The following PRKN variants were observed in gnomAD, a reference collection of about 807,000 sequenced individuals.
PRKN encodes E3 ubiquitin-protein ligase parkin.
Under a neutral mutation model 59.5 loss-of-function variants are expected in PRKN, and 56 were observed. The ratio of observed to expected loss-of-function variants is 0.94; its 90% CI spans 0.76 to 1.18. PRKN has a LOEUF of 1.18. Ranked by LOEUF, PRKN falls within the 50% of genes most tolerant of loss-of-function variation. The probability of loss-of-function intolerance (pLI) is 0.00; values close to 1 mark genes in which losing one functional copy is unlikely to be tolerated. For synonymous variants in PRKN, 250 were observed against 222.1 expected (o/e 1.13, Z -1.12); for missense variants, 657 against 596.4 (o/e 1.10, Z -1.06).
At chr6:162,327,388 G>T (rs1783342681) in intron 2 of PRKN, among the ~76,000 whole-genome samples, 1 of 152,104 alleles carries the variant, frequency 6.6e-6, no homozygotes, top group Non-Finnish European at 1.5e-5. Context: ...TGAGCAATCT[G>T]ATTTTCTTTG....
At chr6:162,061,432 G>A (rs1418562345) in intron 4 of PRKN, among the ~76,000 whole-genome samples, 1 of 152,180 alleles carries the variant, frequency 6.6e-6, no homozygotes, top group African/African-American at 2.4e-5. Flanking sequence ...CCCTTTCCAA[G>A]GGACCTGGAC....
intron 1 of PRKN, among the ~76,000 whole-genome samples, chr6:162,443,762 C>T (rs900135139): frequency 6.6e-6 from 1 of 152,150 alleles, no homozygotes; most frequent in Non-Finnish European, 1.5e-5. Flanking sequence ...GAGCAGGACA[C>T]TTGCTTGATT....
chr6:162,308,109 T>G (rs536473977), intron 2 of PRKN, among the ~76,000 whole-genome samples: 1 of 152,294 alleles, frequency 6.6e-6, no homozygotes, highest in Admixed American at 6.5e-5. Flanking sequence ...TCACCGTCAC[T>G]GCTACCAGGA....
chr6:162,354,918 G>GT (rs928216976), intron 2 of PRKN, among the ~76,000 whole-genome samples: 22 of 150,686 alleles, frequency 1.5e-4, no homozygotes, highest in African/African-American at 4.6e-4. Flanking sequence ...CATATGAAAG[G>GT]TTTTTTTTTA....
intron 7 of PRKN, among the ~76,000 whole-genome samples, chr6:161,604,512 G>A (rs1782209690): frequency 6.6e-6 from 1 of 152,170 alleles, no homozygotes; most frequent in Admixed American, 6.5e-5. Flanking sequence ...GGCCAGAATC[G>A]AAGTCAAATG....
chr6:161,407,202 C>T lies in PRKN; in HGVS notation c.1084-20325G>A, dbSNP rs182637057. Among the ~76,000 whole-genome samples, 3 of 152,128 alleles carry T rather than the reference C, an allele frequency of 2.0e-5. No individual in the cohort carries two copies. The highest frequency in any genetic ancestry group is 2.9e-5 in the Non-Finnish European group (2 of 68,000). On this transcript the variant is annotated intron_variant, in intron 9 of 11. Transcript: ENST00000366898. The surrounding 1 kb of genome is among the most constrained non-coding windows in gnomAD (Gnocchi z 4.9). ...TCTACATGGAAAACAAAAAGTCATA[C>T]CAAAATTATAACTGCTAAGAGAGAT...
chr6:161,387,338 C>T (rs1193866574), intron 9 of PRKN, among the ~76,000 whole-genome samples: 2 of 152,206 alleles, frequency 1.3e-5, no homozygotes, highest in African/African-American at 4.8e-5. Flanking sequence ...TCCCCCTTCG[C>T]TCAGCTCTCA....
chr6:162,231,448 T>C (rs1379666529), intron 3 of PRKN, among the ~76,000 whole-genome samples: 1 of 152,190 alleles, frequency 6.6e-6, no homozygotes, highest in Non-Finnish European at 1.5e-5. Flanking sequence ...TTAACAGTGG[T>C]GTTCCCTAAC....
At chr6:161,872,541 G>C (rs1431351613) in intron 6 of PRKN, among the ~76,000 whole-genome samples, 2 of 152,100 alleles carry the variant, frequency 1.3e-5, no homozygotes, top group African/African-American at 2.4e-5. Context: ...TGTGGGCCCT[G>C]ATCAACCCTG....
At position 161,547,618 on chromosome 6, in the gene PRKN, A is replaced by T. The variant is rs1313020091; in HGVS notation, c.1083+1236T>A. ...ATAATTTAGCCAGTAGTTAAAAACA[A>T]TTCATTAAAAGCTCATTTTAAAAGA... On this transcript the variant is annotated intron_variant, in intron 9 of 11. Transcript: ENST00000366898. The surrounding 1 kb of genome is among the most constrained non-coding windows in gnomAD (Gnocchi z 4.0). Among the ~76,000 whole-genome samples the T allele has an allele frequency of 6.6e-6, 1 of 152,234 alleles. No homozygotes were observed. The highest frequency in any genetic ancestry group is 1.5e-5 in the Non-Finnish European group (1 of 68,034).
chr6:162,183,555 T>G lies in PRKN; in HGVS notation c.534+17576A>C, dbSNP rs148626878. Among the ~76,000 whole-genome samples the G allele has an allele frequency of 5.4e-4, 82 of 152,296 alleles. 1 individual carries two copies. Among genetic ancestry groups the G allele is most frequent in the African/African-American group, 1.8e-3 (75 of 41,554 alleles). On this transcript the variant is annotated intron_variant, in intron 4 of 11. Coordinates refer to ENST00000366898, the MANE Select transcript of PRKN (RefSeq NM_004562.3). ...AAAGACTGTAAGCCTCTCTGTCTTA[T>G]AAAAATCAAAGATTTGTGGTTCCAA...
chr6:161,386,936 AT>A lies in PRKN; in HGVS notation c.1084-60del, dbSNP rs2114944017. 1 of 1,373,972 alleles carries A rather than the reference AT, an allele frequency of 7.3e-7. No individual in the cohort carries two copies. Among genetic ancestry groups the A allele is most frequent in the Non-Finnish European group, 1.0e-6 (1 of 960,940 alleles). The allele number at this position is 1,373,972 out of a possible 1,614,324, so 85.1% of individuals were successfully genotyped here. On this transcript the variant is annotated intron_variant, in intron 9 of 11. Coordinates refer to ENST00000366898, the MANE Select transcript of PRKN (RefSeq NM_004562.3). This position sits in a 1 kb window ranked among gnomAD's most constrained non-coding sequence, Gnocchi z 4.3. Reference sequence around the variant, plus strand: ...ATTAGGTTGCATTTGGCAATAACACATTTTTCCTTTTCCAAATTCATTATAT... The same window carrying A: ...ATTAGGTTGCATTTGGCAATAACACATTTTCCTTTTCCAAATTCATTATAT...
At chr6:161,900,346 G>A (rs1777841717) in intron 6 of PRKN, among the ~76,000 whole-genome samples, 1 of 149,388 alleles carries the variant, frequency 6.7e-6, no homozygotes, top group South Asian at 2.1e-4. Flanking sequence ...AAGACATGGA[G>A]CTTTGGGTGA....
chr6:162,724,573 G>A (rs1005214574), intron 1 of PRKN, among the ~76,000 whole-genome samples: 4 of 152,106 alleles, frequency 2.6e-5, no homozygotes, highest in African/African-American at 4.8e-5. Flanking sequence ...AGGTTGAGGC[G>A]GGAAATTAAA....
intron 1 of PRKN, among the ~76,000 whole-genome samples, chr6:162,720,700 T>C (rs1305944587): frequency 6.6e-6 from 1 of 151,970 alleles, no homozygotes; most frequent in Non-Finnish European, 1.5e-5. Context: ...TCCACCCGCC[T>C]CGGCCTCCCA....
At chr6:162,707,260 C>T (rs566846667) in intron 1 of PRKN, among the ~76,000 whole-genome samples, 15 of 152,236 alleles carry the variant, frequency 9.9e-5, no homozygotes, top group African/African-American at 3.4e-4. Flanking sequence ...AGTTATTAAG[C>T]AAAAACTGAA....
intron 3 of PRKN, among the ~76,000 whole-genome samples, chr6:162,259,619 T>C (rs772326990): frequency 6.6e-6 from 1 of 152,226 alleles, no homozygotes; most frequent in Non-Finnish European, 1.5e-5. Context: ...AATCATTCCA[T>C]TCAGTCTTAA....
intron 2 of PRKN, among the ~76,000 whole-genome samples, chr6:162,340,677 GA>G (rs944777982): frequency 6.6e-6 from 1 of 152,110 alleles, no homozygotes; most frequent in African/African-American, 2.4e-5. Flanking sequence ...AAGAAATGGG[GA>G]AAGGATTCCC....
chr6:161,904,379 G>A (rs1209144399), intron 6 of PRKN, among the ~76,000 whole-genome samples: 3 of 136,514 alleles, frequency 2.2e-5, no homozygotes, highest in Admixed American at 8.2e-5. Flanking sequence ...GCAGTGGCAC[G>A]ATCTCAGCTC....
Sources: allele counts gnomAD v4.1 joint callset (sites outside exome capture counted in the v4.1 genomes callset), GRCh38; gene constraint gnomAD v4.1.1; non-coding constraint Gnocchi (gnomAD v3.1); transcripts MANE v1.5; gene names NCBI Gene and HGNC (gene_info 2026-07-23, HGNC 2026-07-21).